The following INTU variants were observed in gnomAD, a reference collection of about 807,000 sequenced individuals.
INTU encodes the protein protein inturned.
Under a neutral mutation model 100.5 loss-of-function variants are expected in INTU, and 68 were observed. The observed-to-expected ratio is 0.68, with a 90% CI of 0.56 to 0.83. INTU has a LOEUF of 0.83. Ranked by LOEUF, INTU falls within the 40% of genes least tolerant of loss-of-function variation. The pLI, the probability that INTU is intolerant of heterozygous loss-of-function variation, is 0.00. For synonymous variants in INTU, 357 were observed against 395.7 expected (o/e 0.90, Z 1.16); for missense variants, 1,071 against 1,114.7 (o/e 0.96, Z 0.56).
intron 3 of INTU, among the ~76,000 whole-genome samples, chr4:127,657,341 C>T (rs1262528845): frequency 6.6e-6 from 1 of 151,946 alleles, no homozygotes; most frequent in East Asian, 1.9e-4. Flanking sequence ...AAGTGCTATA[C>T]CTTTTGGTAA....
chr4:127,649,145 C>CAGAT (rs1476218299), intron 2 of INTU, among the ~76,000 whole-genome samples: 7 of 152,176 alleles, frequency 4.6e-5, no homozygotes, highest in African/African-American at 1.7e-4. Flanking sequence ...GCCAACCCTA[C>CAGAT]AGATGGCCAA....
At chr4:127,655,956 G>T (rs1300236286) in intron 2 of INTU, among the ~76,000 whole-genome samples, 1 of 152,182 alleles carries the variant, frequency 6.6e-6, no homozygotes, top group Non-Finnish European at 1.5e-5. Flanking sequence ...TCCGAAAAGC[G>T]CAATATTCGG....
chr4:127,656,209 G>C (rs1728212701), intron 2 of INTU, among the ~76,000 whole-genome samples: 1 of 152,178 alleles, frequency 6.6e-6, no homozygotes, highest in Admixed American at 6.5e-5. Flanking sequence ...GGGAGCTGTA[G>C]ACGGGAGCTG....
intron 1 of INTU, among the ~76,000 whole-genome samples, chr4:127,642,372 C>T (rs1322779766): frequency 3.3e-5 from 5 of 152,116 alleles, no homozygotes; most frequent in Non-Finnish European, 5.9e-5. Context: ...GCTGAAAATT[C>T]TGTATTAATG....
In INTU at chr4:127,633,000, G is replaced by T; in HGVS notation, c.-35G>T. On this transcript the variant is annotated 5_prime_UTR_variant, in exon 1 of 16. The change abolishes the stop of an existing upstream ORF in the 5' untranslated region. Coordinates refer to ENST00000335251, the MANE Select transcript of INTU (RefSeq NM_015693.4). ...TTAGCAAGCTATAGCTGCGAGATTT[G>T]AATTACTCCACTCGTAGCTATTGCA... 1 of 1,594,116 alleles carries T rather than the reference G, an allele frequency of 6.3e-7. No homozygotes were observed.
chr4:127,663,330 C>T (rs1417507224), intron 3 of INTU, 51 bp from the exon 4 acceptor site: 1 of 1,340,732 alleles, frequency 7.5e-7, no homozygotes, highest in South Asian at 1.2e-5. Context: ...GTGAAAACTG[C>T]AGCTGATTTT....
chr4:127,643,897 G>C lies in INTU; in HGVS notation c.523G>C (p.Ala175Pro). The C allele has an allele frequency of 6.2e-7, 1 of 1,614,128 alleles. No individual in the cohort carries two copies. The highest frequency in any genetic ancestry group is 8.5e-7 in the Non-Finnish European group (1 of 1,180,022). The change falls in exon 2 of 16, where the codon GCC becomes CCC. Residue 175 changes from alanine to proline, a missense_variant. Transcript: ENST00000335251. ...CCCCAAAAAGCTAACTGTTATCAAA[G>C]CCAAAGAGCAGCTCAAGCTTCTGGA... ...VNPKKLTVIK[A>P]KEQLKLLEVL...
chr4:127,645,058 G>T lies in INTU; in HGVS notation c.682+1002G>T, dbSNP rs74683497. Among the ~76,000 whole-genome samples, 798 of 152,288 alleles carry T rather than the reference G, an allele frequency of 5.2e-3. 10 individuals are homozygous for T. Among genetic ancestry groups the T allele is most frequent in the African/African-American group, 0.019 (769 of 41,556 alleles). ...TCACTGTCTGATAAGTGTCATCATA[G>T]GGGTTTACAAGGAGGATCATATGGA... is the stretch of plus-strand genomic sequence containing the variant. On this transcript the variant is annotated intron_variant, in intron 2 of 15. Transcript: ENST00000335251.
chr4:127,655,806 G>T (rs944023924), intron 2 of INTU, among the ~76,000 whole-genome samples: 2 of 152,228 alleles, frequency 1.3e-5, no homozygotes, highest in African/African-American at 4.8e-5. Flanking sequence ...GCAATGGGGG[G>T]CGCCCCTCCC....
At chr4:127,675,182 A>G (rs752791650) in intron 6 of INTU, among the ~76,000 whole-genome samples, 3 of 152,226 alleles carry the variant, frequency 2.0e-5, no homozygotes, top group Non-Finnish European at 4.4e-5. Context: ...AATTAAACAC[A>G]CTTTAGTTTT....
intron 3 of INTU, among the ~76,000 whole-genome samples, chr4:127,662,195 C>T (rs982228724): frequency 6.6e-6 from 1 of 151,966 alleles, no homozygotes; most frequent in Non-Finnish European, 1.5e-5. Flanking sequence ...TTGTCAGATG[C>T]GTAGTTTGCA....
intron 5 of INTU, among the ~76,000 whole-genome samples, chr4:127,672,324 T>C (rs1328452663): frequency 6.6e-6 from 1 of 152,306 alleles, no homozygotes; most frequent in African/African-American, 2.4e-5. Context: ...CCTATAGATA[T>C]CCCTGTTCTG....
At chr4:127,646,650 A>T (rs1008486884) in intron 2 of INTU, among the ~76,000 whole-genome samples, 2 of 152,160 alleles carry the variant, frequency 1.3e-5, no homozygotes, top group African/African-American at 4.8e-5. Context: ...TAACCTTGAC[A>T]TATGGTTTAG....
In INTU at chr4:127,718,648, C is replaced by T. The variant is rs533491653; in HGVS notation, c.*2212C>T. 1 of 152,148 alleles carries T rather than the reference C, an allele frequency of 6.6e-6. No homozygotes were observed. The highest frequency in any genetic ancestry group is 2.4e-5 in the African/African-American group (1 of 41,428). 9.4% of individuals were successfully genotyped at this position (152,148 alleles called of 1,614,324 possible). A position where few individuals can be genotyped will look rare whatever the true frequency, so the allele number is the denominator to read the frequency against. Reference sequence around the variant, plus strand: ...ATATTTTTCCATTTGTTTGTGTCCTCTCTGGTTTCCTTGAGCCGTGGTTTG... The same window carrying T: ...ATATTTTTCCATTTGTTTGTGTCCTTTCTGGTTTCCTTGAGCCGTGGTTTG... On this transcript the variant is annotated 3_prime_UTR_variant, in exon 16 of 16. Transcript: ENST00000335251.
intron 2 of INTU, among the ~76,000 whole-genome samples, chr4:127,646,686 A>C (rs1727606280): frequency 6.6e-6 from 1 of 152,016 alleles, no homozygotes; most frequent in Non-Finnish European, 1.5e-5. Flanking sequence ...TAAATGTCTG[A>C]TTTTTCTTCA....
In INTU at chr4:127,641,571, A is replaced by AGGCTAAGCTGGGTGACTCTCCAGTAT. The variant is rs1560826422; in HGVS notation, c.147-1929_147-1928insAGTATGGCTAAGCTGGGTGACTCTCC. ...CCTGATCTCCCCTCAACCTCCAGCTAGGCTAAGCTGGGTGACTCTCCCGTA... is the reference window on the plus strand; with the variant it reads ...CCTGATCTCCCCTCAACCTCCAGCTAGGCTAAGCTGGGTGACTCTCCAGTATGGCTAAGCTGGGTGACTCTCCCGTA... On this transcript the variant is annotated intron_variant, in intron 1 of 15. Coordinates refer to ENST00000335251, the MANE Select transcript of INTU (RefSeq NM_015693.4). Among the ~76,000 whole-genome samples, 16 of 152,118 alleles carry AGGCTAAGCTGGGTGACTCTCCAGTAT rather than the reference A, an allele frequency of 1.1e-4. No individual in the cohort carries two copies. In the South Asian group the frequency reaches 1.3e-3, roughly 12 times the overall value.
intron 8 of INTU, among the ~76,000 whole-genome samples, chr4:127,692,715 C>T (rs1310624193): frequency 2.0e-5 from 3 of 152,066 alleles, no homozygotes; most frequent in Non-Finnish European, 4.4e-5. Flanking sequence ...TTTTTGGTTT[C>T]ACATCTTAGA....
At chr4:127,681,693 G>T (rs1368816155) in intron 6 of INTU, among the ~76,000 whole-genome samples, 3 of 152,128 alleles carry the variant, frequency 2.0e-5, no homozygotes, top group Non-Finnish European at 4.4e-5. Context: ...ATAGGCATGG[G>T]CAAGGACTTC....
intron 15 of INTU, among the ~76,000 whole-genome samples, chr4:127,716,002 A>T (rs1731250856): frequency 6.6e-6 from 1 of 152,228 alleles, no homozygotes; most frequent in Non-Finnish European, 1.5e-5. Context: ...AAAATACTTA[A>T]TAACTATTGT....
Sources: allele counts gnomAD v4.1 joint callset (sites outside exome capture counted in the v4.1 genomes callset), GRCh38; gene constraint gnomAD v4.1.1; transcripts MANE v1.5; gene names NCBI Gene and HGNC (gene_info 2026-07-23, HGNC 2026-07-21).